DCC: variants seen among roughly 807,000 people sequenced by gnomAD.
The protein encoded by DCC is netrin receptor DCC.
In DCC, 58 loss-of-function variants were observed where a neutral mutation model predicts 172.5. The ratio of observed to expected loss-of-function variants is 0.34; its 90% confidence interval spans 0.27 to 0.42. The LOEUF (loss-of-function observed/expected upper bound fraction) is 0.42, where lower values mean the gene tolerates loss of function less well. Among genes scored for constraint, DCC ranks in the 10% least tolerant of loss-of-function variants. The pLI is 1.00. For synonymous variants in DCC, 709 were observed against 644.5 expected (o/e 1.10, Z -1.52); for missense variants, 1,740 against 1,791.0 (o/e 0.97, Z 0.51).
At chr18:53,353,975 G>A (rs929841293) in intron 15 of DCC, among the ~76,000 whole-genome samples, 30 of 152,094 alleles carry the variant, frequency 2.0e-4, no homozygotes, top group African/African-American at 5.1e-4. Flanking sequence ...AAGTGTTCTC[G>A]TTGTTCAATT....
chr18:52,376,739 A>G (rs1274402856), intron 1 of DCC, among the ~76,000 whole-genome samples: 1 of 152,192 alleles, frequency 6.6e-6, no homozygotes, highest in Admixed American at 6.6e-5. Flanking sequence ...CATCTCTATT[A>G]ATTATATATC....
At chr18:53,147,788 G>A (rs1385206060) in intron 7 of DCC, among the ~76,000 whole-genome samples, 1 of 152,122 alleles carries the variant, frequency 6.6e-6, no homozygotes, top group African/African-American at 2.4e-5. Flanking sequence ...CATTTCCACA[G>A]CTATCCTGAC....
Position 52,598,118 on chromosome 18 carries a change from T to A in DCC, c.92-153936T>A, listed in dbSNP as rs192737593. ...TTATTTTCATGACCTTGTGTGGCCC[T>A]TAAGCAAGATACTATATTGCACTTA... On this transcript the variant is annotated intron_variant, in intron 1 of 28. Transcript: ENST00000442544. Among the ~76,000 whole-genome samples, 28 of 152,294 alleles carry A rather than the reference T, an allele frequency of 1.8e-4. No homozygotes were observed. In the East Asian group the frequency reaches 5.0e-3, roughly 27 times the overall value.
intron 2 of DCC, among the ~76,000 whole-genome samples, chr18:52,860,582 A>G (rs949835840): frequency 2.6e-5 from 4 of 152,244 alleles, no homozygotes; most frequent in Admixed American, 6.5e-5. Context: ...CTTTTCTACC[A>G]AAGACAAATC....
chr18:53,108,059 CAGAAATTT>C (rs1404414299), intron 7 of DCC, among the ~76,000 whole-genome samples: 1 of 151,616 alleles, frequency 6.6e-6, no homozygotes, highest in Non-Finnish European at 1.5e-5. Context: ...ACGTATTTTT[CAGAAATTT>C]AGAAACTGCC....
At chr18:53,333,413 G>A (rs1414455538) in intron 14 of DCC, among the ~76,000 whole-genome samples, 2 of 152,218 alleles carry the variant, frequency 1.3e-5, no homozygotes, top group African/African-American at 2.4e-5. Context: ...ACGCTAAATG[G>A]AGGACAAATG....
intron 1 of DCC, among the ~76,000 whole-genome samples, chr18:52,521,207 T>C: frequency 6.6e-6 from 1 of 152,188 alleles, no homozygotes; most frequent in East Asian, 1.9e-4. Context: ...CTAAGTTAAT[T>C]TTTGTAATTA....
chr18:52,701,024 G>A (rs1248872625), intron 1 of DCC, among the ~76,000 whole-genome samples: 1 of 152,158 alleles, frequency 6.6e-6, no homozygotes, highest in Non-Finnish European at 1.5e-5. Flanking sequence ...GATTATATCT[G>A]TGATAGCCTC....
intron 1 of DCC, among the ~76,000 whole-genome samples, chr18:52,653,978 T>G (rs558642391): frequency 6.6e-6 from 1 of 152,220 alleles, no homozygotes; most frequent in Non-Finnish European, 1.5e-5. Flanking sequence ...TTTAAAGAGA[T>G]GCATTTATGT....
chr18:52,355,049 A>G (rs1348704109), intron 1 of DCC, among the ~76,000 whole-genome samples: 1 of 152,236 alleles, frequency 6.6e-6, no homozygotes, highest in Non-Finnish European at 1.5e-5. Flanking sequence ...AAAATGGAAC[A>G]AGATAAAGTA....
At chr18:53,365,767 C>G (rs1288356385) in intron 15 of DCC, among the ~76,000 whole-genome samples, 3 of 152,158 alleles carry the variant, frequency 2.0e-5, no homozygotes, top group African/African-American at 7.2e-5. Flanking sequence ...ACTTCTGTGA[C>G]ATCAAAAAGG....
At chr18:52,403,388 C>A (rs994014202) in intron 1 of DCC, among the ~76,000 whole-genome samples, 3 of 151,894 alleles carry the variant, frequency 2.0e-5, no homozygotes, top group African/African-American at 7.3e-5. Flanking sequence ...CTTTCACTGC[C>A]CCTGTCATTC....
intron 7 of DCC, among the ~76,000 whole-genome samples, chr18:53,096,208 G>A (rs1250210049): frequency 6.6e-6 from 1 of 152,006 alleles, no homozygotes; most frequent in East Asian, 1.9e-4. Context: ...GTATGGTCCT[G>A]CAAGTCTATA....
chr18:53,301,021 CTTTTCT>C (rs2057134167), intron 12 of DCC, among the ~76,000 whole-genome samples: 1 of 129,074 alleles, frequency 7.7e-6, no homozygotes, highest in Non-Finnish European at 1.6e-5. Context: ...TTCACTCTTT[CTTTTCT>C]TTTTCTTTTT....
At position 52,367,165 on chromosome 18, in the gene DCC, C is replaced by G. The variant is rs1200635145; in HGVS notation, c.91+26287C>G. Among the ~76,000 whole-genome samples, 10 of 152,222 alleles carry G rather than the reference C, an allele frequency of 6.6e-5. 1 individual carries two copies. The highest frequency in any genetic ancestry group is 1.2e-4 in the Non-Finnish European group (8 of 68,028). On this transcript the variant is annotated intron_variant, in intron 1 of 28. Coordinates refer to ENST00000442544, the MANE Select transcript of DCC (RefSeq NM_005215.4). ...GGCCCGTGTGCTAAGCCCCTCATTG[C>G]CCGGGGCCAGCAGGGCTGGCCGACT...
intron 7 of DCC, among the ~76,000 whole-genome samples, chr18:53,107,184 C>A (rs1249239526): frequency 6.6e-6 from 1 of 151,710 alleles, no homozygotes; most frequent in African/African-American, 2.4e-5. Context: ...CACTCTGGCT[C>A]CAACGCCTCT....
At chr18:52,717,540 C>T (rs2036404432) in intron 1 of DCC, among the ~76,000 whole-genome samples, 2 of 148,352 alleles carry the variant, frequency 1.3e-5, no homozygotes, top group Non-Finnish European at 3.0e-5. Flanking sequence ...CAGATACTAA[C>T]ATTCAGATGC....
intron 2 of DCC, among the ~76,000 whole-genome samples, chr18:52,859,421 A>G (rs576817250): frequency 6.6e-6 from 1 of 152,318 alleles, no homozygotes; most frequent in South Asian, 2.1e-4. Context: ...GATTGCTTCT[A>G]TTCCCCAGTA....
At chr18:52,586,423 C>G (rs1281131837) in intron 1 of DCC, among the ~76,000 whole-genome samples, 4 of 152,208 alleles carry the variant, frequency 2.6e-5, no homozygotes, top group Admixed American at 1.3e-4. Flanking sequence ...TCTTGACAGT[C>G]CAGGGCAATC....
Sources: gnomAD v4.1 joint callset for allele counts (sites outside exome capture counted in the v4.1 genomes callset) on GRCh38, gnomAD v4.1.1 for gene constraint, MANE v1.5 for transcripts, NCBI Gene and HGNC (gene_info 2026-07-23, HGNC 2026-07-21) for gene names.